Variants in CSGALNACT2 observed in about 807,000 individuals in gnomAD.
The protein encoded by CSGALNACT2 is chondroitin sulfate N-acetylgalactosaminyltransferase 2.
A neutral mutation model predicts 55.3 loss-of-function variants in CSGALNACT2; 35 were observed. That is an observed-to-expected ratio of 0.63 (90% confidence interval 0.48 to 0.84). CSGALNACT2 has a LOEUF of 0.84. CSGALNACT2 is among the 40% of genes least tolerant of loss of function. CSGALNACT2 has a pLI of 0.00. For synonymous variants in CSGALNACT2, 196 were observed against 224.9 expected (o/e 0.87, Z 1.15); for missense variants, 544 against 657.5 (o/e 0.83, Z 1.89).
intron 1 of CSGALNACT2, among the ~76,000 whole-genome samples, chr10:43,140,451 C>T (rs1588886878): frequency 6.6e-6 from 1 of 152,234 alleles, no homozygotes; most frequent in Admixed American, 6.5e-5. Context: ...ATTATGAGTT[C>T]AAGACGTAAG....
At chr10:43,144,210 G>A (rs903595430) in intron 1 of CSGALNACT2, among the ~76,000 whole-genome samples, 9 of 152,058 alleles carry the variant, frequency 5.9e-5, no homozygotes, top group African/African-American at 2.2e-4. Context: ...TCTTTCAGAG[G>A]GCAGTAGATT....
In CSGALNACT2 at chr10:43,142,603, A is replaced by G. The variant is rs534184377; in HGVS notation, c.-254+4036A>G. Among the ~76,000 whole-genome samples, 89 of 152,290 alleles carry G rather than the reference A, an allele frequency of 5.8e-4. 2 individuals carry two copies. In the South Asian group the frequency reaches 0.018, roughly 30 times the overall value. On this transcript the variant is annotated intron_variant, in intron 1 of 7. Transcript: ENST00000374466. ...TCAGTGTCCCTTGGAACACAACTAT[A>G]CTCATTCACTTACATATCATCTGTG...
intron 1 of CSGALNACT2, among the ~76,000 whole-genome samples, chr10:43,153,790 A>G (rs1400800705): frequency 1.3e-5 from 2 of 152,222 alleles, no homozygotes; most frequent in Admixed American, 6.5e-5. Flanking sequence ...AGTTCGCACA[A>G]CTGGTTGTGG....
rs1305476497 is a variant in CSGALNACT2 at position 43,183,333 on chromosome 10, A to G, written c.1420A>G (p.Ile474Val). ...ATACTTACATGGTGACCTCATTGTG[A>G]TTCGGACTCCGGTTCCTGGTCTTTT... ...RKYLHGDLIVIRTPVPGLFHL... is the reference protein window; with the variant it reads ...RKYLHGDLIVVRTPVPGLFHL... Residue 474 changes from isoleucine to valine, a missense_variant, in exon 8 of 8, where the codon ATT becomes GTT. Physicochemically the swap from Ile to Val is conservative, Grantham distance 29. Around this residue, in one of 2 missense-constraint regions of CSGALNACT2, gnomAD observed 170 missense variants for 256.2 expected, o/e 0.66. Transcript: ENST00000374466. The G allele has an allele frequency of 6.2e-7, 1 of 1,613,934 alleles. No individual in the cohort carries two copies. Among genetic ancestry groups the G allele is most frequent in the East Asian group, 2.2e-5 (1 of 44,886 alleles).
intron 1 of CSGALNACT2, among the ~76,000 whole-genome samples, chr10:43,141,643 A>G (rs1326128136): frequency 1.3e-5 from 2 of 151,184 alleles, no homozygotes; most frequent in Admixed American, 1.3e-4. Context: ...AAAAAAAAAA[A>G]AAAAAAAAGA....
chr10:43,159,301 TTTTA>T (rs2133120677), intron 3 of CSGALNACT2, among the ~76,000 whole-genome samples: 1 of 151,412 alleles, frequency 6.6e-6, no homozygotes, highest in African/African-American at 2.4e-5. Flanking sequence ...CTTTTTTTAT[TTTTA>T]TTTTTTTTTT....
chr10:43,167,566 A>C (rs1756887094), intron 6 of CSGALNACT2, among the ~76,000 whole-genome samples: 2 of 152,144 alleles, frequency 1.3e-5, no homozygotes, highest in African/African-American at 4.8e-5. Flanking sequence ...TAAGTTTTTT[A>C]AAATTTTTAA....
chr10:43,177,378 C>A (rs1206697750), intron 7 of CSGALNACT2, among the ~76,000 whole-genome samples: 1 of 152,154 alleles, frequency 6.6e-6, no homozygotes, highest in East Asian at 1.9e-4. Context: ...GAGCATTTCA[C>A]CCCAAAAAGA....
chr10:43,147,782 CTTT>C (rs372639057), intron 1 of CSGALNACT2, among the ~76,000 whole-genome samples: 98 of 108,098 alleles, frequency 9.1e-4, no homozygotes, highest in African/African-American at 3.3e-3. Flanking sequence ...GTCGAGTTAT[CTTT>C]TTTTTTTTTT....
At chr10:43,160,464 G>T in intron 3 of CSGALNACT2, 30 bp from the exon 4 acceptor site, 2 of 1,175,004 alleles carry the variant, frequency 1.7e-6, no homozygotes, top group South Asian at 2.6e-5. Flanking sequence ...ATGTTTTCTT[G>T]AATAAACTTT....
intron 7 of CSGALNACT2, among the ~76,000 whole-genome samples, chr10:43,181,742 C>T (rs1839592888): frequency 6.7e-6 from 1 of 149,352 alleles, no homozygotes; most frequent in South Asian, 2.1e-4. Flanking sequence ...TGCACCTCTG[C>T]ACTCCAGCCT....
intron 6 of CSGALNACT2, among the ~76,000 whole-genome samples, chr10:43,167,851 ATG>A (rs1216242305): frequency 1.8e-4 from 28 of 152,198 alleles, no homozygotes; most frequent in Admixed American, 1.2e-3. Context: ...AAAAGTAGAA[ATG>A]ATTAAGAAGT....
intron 6 of CSGALNACT2, among the ~76,000 whole-genome samples, chr10:43,168,945 G>A (rs181371036): frequency 1.2e-3 from 179 of 152,326 alleles, no homozygotes; most frequent in Non-Finnish European, 2.2e-3. Context: ...ATGTGTTCAA[G>A]AGAACAGTGA....
intron 7 of CSGALNACT2, 57 bp from the exon 8 acceptor site, chr10:43,183,193 C>A: frequency 1.5e-6 from 2 of 1,300,302 alleles, no homozygotes; most frequent in South Asian, 1.2e-5. Flanking sequence ...TTATATATAT[C>A]CCTGTGCTCT....
chr10:43,160,716 G>A, intron 4 of CSGALNACT2, 121 bp downstream of exon 4: 1 of 641,606 alleles, frequency 1.6e-6, no homozygotes, highest in Non-Finnish European at 2.7e-6. Context: ...TGAGCATGTG[G>A]GCGGTGGTGG....
chr10:43,150,553 A>G (rs190261003), intron 1 of CSGALNACT2, among the ~76,000 whole-genome samples: 2 of 152,296 alleles, frequency 1.3e-5, no homozygotes, highest in Admixed American at 1.3e-4. Context: ...TCCACTGTCT[A>G]ATTACTTTCA....
In CSGALNACT2 at chr10:43,183,329, T is replaced by G; in HGVS notation, c.1416T>G (p.Ile472Met). Residue 472 changes from isoleucine to methionine, a missense_variant, in exon 8 of 8, where the codon ATT becomes ATG. Coordinates refer to ENST00000374466, the MANE Select transcript of CSGALNACT2 (RefSeq NM_018590.5). ...GAAAATACTTACATGGTGACCTCATTGTGATTCGGACTCCGGTTCCTGGTC... is the reference window on the plus strand; with the variant it reads ...GAAAATACTTACATGGTGACCTCATGGTGATTCGGACTCCGGTTCCTGGTC... ...LYRKYLHGDL[I>M]VIRTPVPGLF... 1 of 1,614,014 alleles carries G rather than the reference T, an allele frequency of 6.2e-7. No homozygotes were observed. Among genetic ancestry groups the G allele is most frequent in the Non-Finnish European group, 8.5e-7 (1 of 1,179,892 alleles).
chr10:43,158,740 G>A lies in CSGALNACT2; in HGVS notation c.687G>A (p.Lys229=), dbSNP rs1212944603. The change falls in exon 3 of 8, where the codon AAG becomes AAA. Residue 229 remains lysine, a synonymous_variant. Transcript: ENST00000374466. ...GTTATTATCGCACTGAGAGAGATAAGGGCACACAGTATGAACTCTTTTTTA... is the reference window on the plus strand; with the variant it reads ...GTTATTATCGCACTGAGAGAGATAAAGGCACACAGTATGAACTCTTTTTTA... ...VEGYYRTERD[K]GTQYELFFKK... The A allele has an allele frequency of 1.2e-6, 2 of 1,606,588 alleles. No homozygotes were observed. Among genetic ancestry groups the A allele is most frequent in the South Asian group, 1.1e-5 (1 of 90,884 alleles).
intron 7 of CSGALNACT2, among the ~76,000 whole-genome samples, chr10:43,177,681 G>A (rs1839507069): frequency 6.6e-6 from 1 of 152,164 alleles, no homozygotes; most frequent in Non-Finnish European, 1.5e-5. Flanking sequence ...ATATGCATTT[G>A]AGTTGTTTCT....
Sources: gnomAD v4.1 joint callset for allele counts (sites outside exome capture counted in the v4.1 genomes callset) on GRCh38, gnomAD v4.1.1 for gene constraint, gnomAD v4.1.1 regional missense constraint, MANE v1.5 for transcripts, NCBI Gene and HGNC (gene_info 2026-07-23, HGNC 2026-07-21) for gene names.